OSBPL10: variants seen among roughly 807,000 people sequenced by gnomAD.
OSBPL10 encodes the protein oxysterol-binding protein-related protein 10.
A neutral mutation model predicts 81.7 loss-of-function variants in OSBPL10; 49 were observed. The observed-to-expected ratio is 0.60, with a 90% confidence interval of 0.48 to 0.76. The LOEUF is 0.76. Ranked by LOEUF, OSBPL10 falls within the 30% of genes least tolerant of loss-of-function variation. OSBPL10 has a pLI of 0.00. For missense variants in OSBPL10, 923 were observed against 987.8 expected (o/e 0.93, Z 0.88); for synonymous variants, 419 against 383.6 (o/e 1.09, Z -1.08).
At chr3:31,787,376 C>G (rs963129256) in intron 4 of OSBPL10, among the ~76,000 whole-genome samples, 1 of 152,068 alleles carries the variant, frequency 6.6e-6, no homozygotes, top group Non-Finnish European at 1.5e-5. Context: ...GGGCAGATCA[C>G]CTGAGGTCAG....
intron 3 of OSBPL10, among the ~76,000 whole-genome samples, chr3:31,842,615 T>C (rs1278688891): frequency 6.6e-6 from 1 of 152,234 alleles, no homozygotes; most frequent in Non-Finnish European, 1.5e-5. Context: ...TAAACTCTTA[T>C]CACTCCTTGC....
intron 6 of OSBPL10, among the ~76,000 whole-genome samples, chr3:31,721,828 G>C (rs1259461017): frequency 1.3e-5 from 2 of 152,220 alleles, no homozygotes; most frequent in Non-Finnish European, 2.9e-5. Flanking sequence ...GCCAGGCATT[G>C]AGCTGGACAT....
chr3:31,833,802 TCTGG>T (rs1193921960), intron 3 of OSBPL10, among the ~76,000 whole-genome samples: 2 of 152,038 alleles, frequency 1.3e-5, no homozygotes, highest in Non-Finnish European at 2.9e-5. Context: ...GGAAGACAGC[TCTGG>T]CAATAGACAC....
At chr3:31,767,023 C>A (rs17028267) in intron 4 of OSBPL10, among the ~76,000 whole-genome samples, 3,443 of 152,296 alleles carry the variant, frequency 0.023, 130 homozygotes, top group African/African-American at 0.077. Flanking sequence ...ACAGTCCTCT[C>A]TAAGCTTAGC....
intron 4 of OSBPL10, among the ~76,000 whole-genome samples, chr3:31,751,516 C>T (rs1007618899): frequency 3.3e-4 from 51 of 152,268 alleles, no homozygotes; most frequent in African/African-American, 1.0e-3. Context: ...GGAAGAACTA[C>T]GGCACTGAAA....
chr3:31,811,061 A>C (rs1194746308), intron 4 of OSBPL10, among the ~76,000 whole-genome samples: 1 of 152,100 alleles, frequency 6.6e-6, no homozygotes, highest in African/African-American at 2.4e-5. Context: ...TCATGTACTC[A>C]CTGTGAGCCT....
chr3:31,849,785 C>T (rs1360775899), intron 3 of OSBPL10, among the ~76,000 whole-genome samples: 1 of 152,170 alleles, frequency 6.6e-6, no homozygotes, highest in Non-Finnish European at 1.5e-5. Flanking sequence ...CACCTATAAT[C>T]CCAGCACTTT....
intron 4 of OSBPL10, among the ~76,000 whole-genome samples, chr3:31,802,967 CCTTTTTT>C (rs1699423177): frequency 9.8e-6 from 1 of 102,236 alleles, no homozygotes; most frequent in African/African-American, 3.6e-5. Flanking sequence ...GGTATTGGGT[CCTTTTTT>C]TTTTTTTTTT....
chr3:31,990,777 C>A (rs761894995), intron 2 of OSBPL10: 14 of 1,613,242 alleles, frequency 8.7e-6, no homozygotes, highest in Non-Finnish European at 1.7e-6. Flanking sequence ...AGAAACCTTA[C>A]AAATGTGATG....
rs1700063125 is a variant in OSBPL10, at chr3:31,661,006, T to C, written c.*1066A>G. 3 of 152,674 alleles carry C rather than the reference T, an allele frequency of 2.0e-5. No homozygotes were observed. Among genetic ancestry groups the C allele is most frequent in the African/African-American group, 7.2e-5 (3 of 41,460 alleles). The allele number at this position is 152,674 out of a possible 1,614,324, so 9.5% of individuals were successfully genotyped here. A position where few individuals can be genotyped will look rare whatever the true frequency, so the allele number is the denominator to read the frequency against. On this transcript the variant is annotated 3_prime_UTR_variant, in exon 12 of 12. Coordinates refer to ENST00000396556, the MANE Select transcript of OSBPL10 (RefSeq NM_017784.5). ...AAGCATTCAGCAAAAACCAGATATT[T>C]CATTTTTTCCTTGCTTTGTATTTTC...
intron 3 of OSBPL10, among the ~76,000 whole-genome samples, chr3:31,865,044 C>T (rs1456398387): frequency 6.6e-6 from 1 of 151,910 alleles, no homozygotes; most frequent in African/African-American, 2.4e-5. Flanking sequence ...CTAAAGAAGA[C>T]CAGGACTCCC....
chr3:31,731,480 A>C (rs1212063853), intron 6 of OSBPL10, among the ~76,000 whole-genome samples: 3 of 145,024 alleles, frequency 2.1e-5, no homozygotes, highest in African/African-American at 7.4e-5. Context: ...GGAATTAGTT[A>C]TTTCTTTCTT....
Position 31,763,324 on chromosome 3 carries a change from T to C in OSBPL10, c.730-15204A>G, listed in dbSNP as rs188521779. ...TCTACTGTCATTTCTCAGCAAATACTGGATAGTAGATCAGTTTTTTTCTCT... is the reference window on the plus strand; with the variant it reads ...TCTACTGTCATTTCTCAGCAAATACCGGATAGTAGATCAGTTTTTTTCTCT... On this transcript the variant is annotated intron_variant, in intron 4 of 11. Transcript: ENST00000396556. Among the ~76,000 whole-genome samples the C allele has an allele frequency of 5.8e-4, 89 of 152,334 alleles. 1 individual carries two copies. The highest frequency in any genetic ancestry group is 2.0e-3 in the African/African-American group (83 of 41,580).
chr3:31,791,714 T>C (rs1359994114), intron 4 of OSBPL10, among the ~76,000 whole-genome samples: 1 of 152,000 alleles, frequency 6.6e-6, no homozygotes, highest in Non-Finnish European at 1.5e-5. Context: ...ATGAAAATCA[T>C]ATCTTTATGC....
chr3:31,906,743 A>T (rs1696418347), intron 1 of OSBPL10: 1 of 152,254 alleles, frequency 6.6e-6, no homozygotes. Flanking sequence ...TCTGCCAAGC[A>T]TGGTGGACCA....
intron 2 of OSBPL10, among the ~76,000 whole-genome samples, chr3:32,026,046 AGATAGATAGAT>A (rs1323152335): frequency 5.9e-4 from 71 of 120,542 alleles, no homozygotes; most frequent in Non-Finnish European, 9.1e-4. Flanking sequence ...ATAGATAGAT[AGATAGATAGAT>A]GATAGATAGA....
intron 1 of OSBPL10, among the ~76,000 whole-genome samples, chr3:31,965,632 ATAT>A (rs1427162553): frequency 1.4e-5 from 1 of 69,162 alleles, no homozygotes; most frequent in African/African-American, 7.1e-5. Flanking sequence ...ATATTATATA[ATAT>A]ATTATATAAA....
At chr3:31,899,332 G>C (rs1303938706) in intron 1 of OSBPL10, among the ~76,000 whole-genome samples, 1 of 150,914 alleles carries the variant, frequency 6.6e-6, no homozygotes, top group Non-Finnish European at 1.5e-5. Context: ...AGAGTAAGAA[G>C]AAAAAAATAG....
Position 31,702,434 on chromosome 3 carries a change from C to A in OSBPL10, c.1170G>T (p.Leu390Phe). 1 of 1,614,206 alleles carries A rather than the reference C, an allele frequency of 6.2e-7. No homozygotes were observed. The highest frequency in any genetic ancestry group is 8.5e-7 in the Non-Finnish European group (1 of 1,180,018). The change falls in exon 7 of 12, where the codon TTG becomes TTT. Residue 390 changes from leucine to phenylalanine, a missense_variant. Around this residue, in one of 3 missense-constraint regions of OSBPL10, gnomAD observed 514 missense variants for 508.0 expected, o/e 1.01. Coordinates refer to ENST00000396556, the MANE Select transcript of OSBPL10 (RefSeq NM_017784.5). ...SDNEDKEETE[L>F]GVMEDQRSII... is the part of the protein sequence containing the mutation. The stretch of plus-strand genomic sequence containing the variant: ...TACTACGCTGATCCTCCATGACGCC[C>A]AATTCCGTCTCTTCCTTATCTTCAT...
Sources: gnomAD v4.1 joint callset for allele counts (sites outside exome capture counted in the v4.1 genomes callset) on GRCh38, gnomAD v4.1.1 for gene constraint, gnomAD v4.1.1 regional missense constraint, MANE v1.5 for transcripts, NCBI Gene and HGNC (gene_info 2026-07-23, HGNC 2026-07-21) for gene names.